ULK2: variants seen among roughly 807,000 people sequenced by gnomAD.
ULK2 encodes the protein unc-51 like autophagy activating kinase 2, also known as serine/threonine-protein kinase ULK2.
In ULK2, 76 loss-of-function variants were observed where a neutral mutation model predicts 127.5. That is an observed-to-expected ratio of 0.60 (90% CI 0.50 to 0.72). The LOEUF (loss-of-function observed/expected upper bound fraction) is 0.72. Ranked by LOEUF, ULK2 falls within the 30% of genes least tolerant of loss-of-function variation. The pLI is 0.00. For missense variants in ULK2, 1,144 were observed against 1,295.9 expected, an observed-to-expected ratio of 0.88 and a Z score of 1.80; for synonymous variants, 452 against 461.9, an observed-to-expected ratio of 0.98 and a Z score of 0.28.
intron 3 of ULK2, among the ~76,000 whole-genome samples, chr17:19,857,665 G>C (rs1173563195): frequency 1.3e-5 from 2 of 152,152 alleles, no homozygotes; most frequent in Non-Finnish European, 2.9e-5. Context: ...CTAAGTGAAA[G>C]TACTTATCTC....
chr17:19,855,188 A>C (rs1389831008), intron 3 of ULK2, among the ~76,000 whole-genome samples: 25 of 151,656 alleles, frequency 1.6e-4, no homozygotes, highest in Non-Finnish European at 1.5e-5. Context: ...GTGGATCACA[A>C]GGTCAGGAGA....
At chr17:19,795,394 A>T (rs548713734) in intron 20 of ULK2, among the ~76,000 whole-genome samples, 2 of 142,896 alleles carry the variant, frequency 1.4e-5, no homozygotes, top group South Asian at 4.6e-4. Context: ...AACTCCTTCC[A>T]TTAGTAACGC....
At chr17:19,837,511 T>C (rs536064426) in intron 10 of ULK2, among the ~76,000 whole-genome samples, 1 of 152,286 alleles carries the variant, frequency 6.6e-6, no homozygotes, top group East Asian at 1.9e-4. Flanking sequence ...TCAAGTGCAC[T>C]TCTGACATCG....
At chr17:19,788,439 T>C (rs34541745) in intron 20 of ULK2, among the ~76,000 whole-genome samples, 91 of 151,820 alleles carry the variant, frequency 6.0e-4, no homozygotes, top group Non-Finnish European at 1.0e-3. Context: ...CTAGTTCCTG[T>C]TGACATTTCT....
chr17:19,857,126 C>T (rs1239161279), intron 3 of ULK2, among the ~76,000 whole-genome samples: 3 of 151,492 alleles, frequency 2.0e-5, no homozygotes, highest in Non-Finnish European at 2.9e-5. Context: ...GCCAATACGG[C>T]AAAACCTCGT....
rs998616472 is a variant in ULK2 at position 19,772,241 on chromosome 17, G to C, written c.*4108C>G. ...GTTCGGCTTCACCTCTTGCACCAAAGCTGTGATTTCTCAGGGCAAGTTGTC... is the reference window on the plus strand; with the variant it reads ...GTTCGGCTTCACCTCTTGCACCAAACCTGTGATTTCTCAGGGCAAGTTGTC... On this transcript the variant is annotated 3_prime_UTR_variant, in exon 27 of 27. Transcript: ENST00000395544. 6.6e-6 allele frequency: 1 copy of C among 152,244 alleles called. No individual in the cohort carries two copies. Among genetic ancestry groups the C allele is most frequent in the Non-Finnish European group, 1.5e-5 (1 of 68,062 alleles). 9.4% of individuals were successfully genotyped at this position (152,244 alleles called of 1,614,324 possible). A position where few individuals can be genotyped will look rare whatever the true frequency, so the allele number is the denominator to read the frequency against.
intron 22 of ULK2, 57 bp from the exon 23 acceptor site, chr17:19,782,124 A>G (rs186170114): frequency 1.1e-4 from 163 of 1,511,952 alleles, no homozygotes; most frequent in Non-Finnish European, 1.4e-4. Flanking sequence ...GTACATACTC[A>G]TTTCTGTACA....
intron 12 of ULK2, 122 bp from the exon 13 acceptor site, chr17:19,817,042 A>G (rs559128771): frequency 3.1e-5 from 24 of 783,798 alleles, no homozygotes; most frequent in Non-Finnish European, 2.1e-5. Flanking sequence ...AATTCCATCT[A>G]AGGTTTCAAA....
intron 3 of ULK2, among the ~76,000 whole-genome samples, chr17:19,854,790 T>C (rs1242014469): frequency 1.3e-5 from 2 of 152,074 alleles, no homozygotes; most frequent in Non-Finnish European, 2.9e-5. Context: ...AATTCTACCA[T>C]GTAGGAACTT....
intron 10 of ULK2, among the ~76,000 whole-genome samples, chr17:19,828,872 T>C (rs2041359883): frequency 6.6e-6 from 1 of 152,212 alleles, no homozygotes. Context: ...GCAGATCTCT[T>C]AAGCTCAGGA....
chr17:19,863,065 T>C (rs2042275869), intron 3 of ULK2, among the ~76,000 whole-genome samples: 1 of 151,990 alleles, frequency 6.6e-6, no homozygotes, highest in African/African-American at 2.4e-5. Flanking sequence ...AATACAATAA[T>C]TAGCTGGACT....
chr17:19,800,901 T>C (rs2087383534), intron 16 of ULK2, among the ~76,000 whole-genome samples: 1 of 152,236 alleles, frequency 6.6e-6, no homozygotes, highest in African/African-American at 2.4e-5. Context: ...AGCTTTTATT[T>C]CTGTCCCTTG....
intron 3 of ULK2, among the ~76,000 whole-genome samples, chr17:19,851,159 CAAAAAA>C (rs758540102): frequency 9.5e-6 from 1 of 104,954 alleles, no homozygotes; most frequent in African/African-American, 3.4e-5. Context: ...ATAAAAATAC[CAAAAAA>C]AAAAAAAAAA....
intron 8 of ULK2, among the ~76,000 whole-genome samples, chr17:19,841,774 T>C (rs907963277): frequency 8.5e-5 from 13 of 152,152 alleles, no homozygotes; most frequent in African/African-American, 3.1e-4. Flanking sequence ...AAGCCATGGA[T>C]TGCTGAAGGA....
At chr17:19,814,429 T>TGTATATATATACATATATATAC (rs2040920537) in intron 13 of ULK2, among the ~76,000 whole-genome samples, 1 of 16,714 alleles carries the variant, frequency 6.0e-5, no homozygotes, top group African/African-American at 2.8e-4. Context: ...TATATATATA[T>TGTATATATATACATATATATAC]ATATATATAT....
At chr17:19,832,639 G>A (rs917573140) in intron 10 of ULK2, among the ~76,000 whole-genome samples, 1 of 152,040 alleles carries the variant, frequency 6.6e-6, no homozygotes, top group Non-Finnish European at 1.5e-5. Flanking sequence ...CCATCTCAAA[G>A]CACCACCTTT....
At chr17:19,851,326 CAAAAAAAAAAAAAAA>C (rs554643908) in intron 3 of ULK2, among the ~76,000 whole-genome samples, 1 of 41,052 alleles carries the variant, frequency 2.4e-5, no homozygotes. Flanking sequence ...GACTTCCCCT[CAAAAAAAAAAAAAAA>C]AAAAAAAAAA....
intron 23 of ULK2, 51 bp from the exon 24 acceptor site, chr17:19,781,155 T>C: frequency 6.6e-7 from 1 of 1,520,364 alleles, no homozygotes; most frequent in Non-Finnish European, 9.1e-7. Context: ...TAATGTAAGA[T>C]GTGGCACTCT....
rs1263951530 is a variant in ULK2 at position 19,796,187 on chromosome 17, A to G, written c.1905T>C (p.Asp635=). The change falls in exon 19 of 27, where the codon GAT becomes GAC. Residue 635 remains aspartate (D), a synonymous_variant. Transcript: ENST00000395544. The part of the protein sequence containing the change: ...RHGPAEEQSK[D]GNEPRECAHC... ...GGGCACATTCCCGTGGCTCATTCCC[A>G]TCTTTCGACTGTTCTTCAGCAGGCC... The G allele has an allele frequency of 2.5e-6, 4 of 1,614,038 alleles. No individual in the cohort carries two copies. The highest frequency in any genetic ancestry group is 3.4e-6 in the Non-Finnish European group (4 of 1,180,040).
Sources: allele counts gnomAD v4.1 joint callset (sites outside exome capture counted in the v4.1 genomes callset), GRCh38; gene constraint gnomAD v4.1.1; transcripts MANE v1.5; gene names NCBI Gene and HGNC (gene_info 2026-07-23, HGNC 2026-07-21).